Variants in FHIT observed in about 807,000 individuals in gnomAD.
FHIT encodes fragile histidine triad diadenosine triphosphatase.
Under a neutral mutation model 17.9 loss-of-function variants are expected in FHIT, and 19 were observed. The observed-to-expected ratio is 1.06, with a 90% confidence interval of 0.74 to 1.56. FHIT has a LOEUF of 1.56. Ranked by LOEUF, FHIT falls within the 40% of genes most tolerant of loss-of-function variation. The pLI is 0.00. For missense variants in FHIT, 248 were observed against 189.2 expected, an observed-to-expected ratio of 1.31 and a Z score of -1.82; for synonymous variants, 81 against 69.7, an observed-to-expected ratio of 1.16 and a Z score of -0.81.
chr3:60,363,691 T>G (rs1482872207), intron 5 of FHIT, among the ~76,000 whole-genome samples: 2 of 152,040 alleles, frequency 1.3e-5, no homozygotes, highest in African/African-American at 4.8e-5. Flanking sequence ...CACTCCCCAC[T>G]CTGCTCCACT....
At chr3:60,546,196 T>C (rs1417856606) in intron 4 of FHIT, among the ~76,000 whole-genome samples, 1 of 152,230 alleles carries the variant, frequency 6.6e-6, no homozygotes, top group Non-Finnish European at 1.5e-5. Context: ...TAATTATTCT[T>C]TGAGCTTATT....
intron 3 of FHIT, among the ~76,000 whole-genome samples, chr3:61,036,559 T>G (rs1299194451): frequency 6.6e-6 from 1 of 152,216 alleles, no homozygotes; most frequent in Non-Finnish European, 1.5e-5. Context: ...TATAATGACC[T>G]TTCCTTTTGA....
chr3:60,083,327 C>A (rs1042180743), intron 5 of FHIT, among the ~76,000 whole-genome samples: 1 of 151,974 alleles, frequency 6.6e-6, no homozygotes, highest in Non-Finnish European at 1.5e-5. Context: ...TCTGTTTTCA[C>A]GCCAGTACCA....
At chr3:60,655,571 G>A (rs1434252676) in intron 4 of FHIT, among the ~76,000 whole-genome samples, 1 of 152,132 alleles carries the variant, frequency 6.6e-6, no homozygotes, top group Non-Finnish European at 1.5e-5. Flanking sequence ...TTAATGACAG[G>A]ATGACATTCG....
intron 4 of FHIT, among the ~76,000 whole-genome samples, chr3:60,585,700 C>T (rs981314864): frequency 3.3e-5 from 5 of 151,974 alleles, no homozygotes; most frequent in African/African-American, 4.8e-5. Context: ...ACACACCTTC[C>T]GGTCATCTAT....
chr3:60,029,744 G>C (rs1002616471), intron 5 of FHIT, among the ~76,000 whole-genome samples: 4 of 152,110 alleles, frequency 2.6e-5, no homozygotes, highest in Admixed American at 6.6e-5. Flanking sequence ...GGAAGACAAA[G>C]GTTTTTAAAG....
chr3:61,153,134 C>A (rs2037441685), intron 2 of FHIT, among the ~76,000 whole-genome samples: 2 of 134,566 alleles, frequency 1.5e-5, no homozygotes, highest in Admixed American at 1.5e-4. Context: ...CAGAGCAAGA[C>A]TCCATCTCAA....
At chr3:60,941,686 C>T (rs973206674) in intron 3 of FHIT, among the ~76,000 whole-genome samples, 1 of 152,158 alleles carries the variant, frequency 6.6e-6, no homozygotes, top group Admixed American at 6.6e-5. Context: ...TCATACAAAT[C>T]CTGACCATAT....
chr3:60,921,121 T>C (rs1707258115), intron 3 of FHIT, among the ~76,000 whole-genome samples: 1 of 152,164 alleles, frequency 6.6e-6, no homozygotes, highest in South Asian at 2.1e-4. Context: ...TAAAAAGTGC[T>C]AAGACTTGAA....
At chr3:60,213,571 A>AT (rs1703557188) in intron 5 of FHIT, among the ~76,000 whole-genome samples, 2 of 152,164 alleles carry the variant, frequency 1.3e-5, no homozygotes, top group East Asian at 1.9e-4. Flanking sequence ...CCAACAACAG[A>AT]TTTTTCCCAC....
intron 3 of FHIT, among the ~76,000 whole-genome samples, chr3:60,941,538 T>A (rs571912749): frequency 6.6e-6 from 1 of 152,342 alleles, no homozygotes; most frequent in South Asian, 2.1e-4. Context: ...GCAATCACTA[T>A]TCTGAATGAT....
intron 7 of FHIT, among the ~76,000 whole-genome samples, chr3:60,004,521 T>G (rs1699849808): frequency 2.0e-5 from 3 of 152,142 alleles, no homozygotes. Flanking sequence ...TATTTTTAGA[T>G]GGAAACCAAC....
At chr3:60,838,794 C>T (rs1553744335) in intron 3 of FHIT, among the ~76,000 whole-genome samples, 1 of 151,538 alleles carries the variant, frequency 6.6e-6, no homozygotes, top group East Asian at 1.9e-4. Context: ...AAAATAATTA[C>T]AATAATGTGT....
chr3:60,520,957 T>C (rs17063428), intron 5 of FHIT, among the ~76,000 whole-genome samples: 1,826 of 152,008 alleles, frequency 0.012, 39 homozygotes, highest in African/African-American at 0.042. Flanking sequence ...CCATGCCTCA[T>C]AGAAGAGAAA....
chr3:59,904,461 T>C (rs559372385), intron 8 of FHIT, among the ~76,000 whole-genome samples: 5 of 152,148 alleles, frequency 3.3e-5, no homozygotes, highest in East Asian at 1.9e-4. Flanking sequence ...GTTGACAAAA[T>C]TATGGGATTT....
At chr3:59,788,881 G>GTTTTTTTTTTTTTTGTTTTT (rs60361063) in intron 8 of FHIT, among the ~76,000 whole-genome samples, 2 of 86,804 alleles carry the variant, frequency 2.3e-5, no homozygotes, top group African/African-American at 4.6e-5. Flanking sequence ...GAGTTCATAT[G>GTTTTTTTTTTTTTTGTTTTT]TTTTTTTTTT....
At chr3:60,676,398 C>T (rs1350242620) in intron 4 of FHIT, among the ~76,000 whole-genome samples, 5 of 152,048 alleles carry the variant, frequency 3.3e-5, no homozygotes, top group Non-Finnish European at 5.9e-5. Flanking sequence ...CTGGAAAGGA[C>T]GATGGTTGGA....
At chr3:60,079,158 T>A (rs1703164386) in intron 5 of FHIT, among the ~76,000 whole-genome samples, 1 of 152,068 alleles carries the variant, frequency 6.6e-6, no homozygotes, top group Non-Finnish European at 1.5e-5. Flanking sequence ...TATAGCTTGT[T>A]TTTGGTAAAT....
chr3:60,075,999 T>C (rs997208518), intron 5 of FHIT, among the ~76,000 whole-genome samples: 9 of 152,150 alleles, frequency 5.9e-5, no homozygotes, highest in African/African-American at 2.2e-4. Flanking sequence ...TTTATGTCTA[T>C]CTGCAATTGT....
Sources: gnomAD v4.1 joint callset for allele counts (sites outside exome capture counted in the v4.1 genomes callset) on GRCh38, gnomAD v4.1.1 for gene constraint, MANE v1.5 for transcripts, NCBI Gene and HGNC (gene_info 2026-07-23, HGNC 2026-07-21) for gene names.